Variants in TCF20 observed in about 807,000 individuals in gnomAD.
TCF20 encodes transcription factor 20.
A neutral mutation model predicts 148.6 loss-of-function variants in TCF20; 3 were observed. That is an observed-to-expected ratio of 0.02 (90% CI 0.01 to 0.05). The LOEUF (loss-of-function observed/expected upper bound fraction) is 0.05. TCF20 is among the 10% of genes least tolerant of loss of function. The pLI is 1.00. For synonymous variants in TCF20, 1,049 were observed against 909.5 expected, an observed-to-expected ratio of 1.15 and a Z score of -2.76; for missense variants, 2,350 against 2,429.3, an observed-to-expected ratio of 0.97 and a Z score of 0.69.
intron 1 of TCF20, among the ~76,000 whole-genome samples, chr22:42,328,924 C>T (rs1569210924): frequency 6.6e-6 from 1 of 152,246 alleles, no homozygotes; most frequent in Admixed American, 6.5e-5. Context: ...TCGTGCCTCC[C>T]TGCCCACTGT....
intron 1 of TCF20, among the ~76,000 whole-genome samples, chr22:42,308,384 C>T (rs1368790681): frequency 6.6e-6 from 1 of 152,170 alleles, no homozygotes. Flanking sequence ...GTGACTCAGA[C>T]AGAGGGCTAC....
chr22:42,340,742 A>T (rs886813410), intron 1 of TCF20, among the ~76,000 whole-genome samples: 1 of 152,140 alleles, frequency 6.6e-6, no homozygotes, highest in Non-Finnish European at 1.5e-5. Context: ...CAGGACGCAC[A>T]GCAAGGTCTC....
At chr22:42,314,180 C>A (rs1164425200) in intron 1 of TCF20, among the ~76,000 whole-genome samples, 1 of 152,250 alleles carries the variant, frequency 6.6e-6, no homozygotes, top group Admixed American at 6.5e-5. Flanking sequence ...GACATCTCCG[C>A]TAACCCAAGG....
intron 1 of TCF20, among the ~76,000 whole-genome samples, chr22:42,237,265 C>T: frequency 6.6e-6 from 1 of 152,222 alleles, no homozygotes; most frequent in East Asian, 1.9e-4. Flanking sequence ...TTCACAGCAT[C>T]TTCATCAGGA....
intron 1 of TCF20, among the ~76,000 whole-genome samples, chr22:42,294,286 G>A (rs1927187897): frequency 6.6e-6 from 1 of 152,162 alleles, no homozygotes; most frequent in Non-Finnish European, 1.5e-5. Flanking sequence ...CTCAGCCCGC[G>A]ACCCCGCCCT....
In TCF20 at chr22:42,161,298, C is replaced by T. The variant is rs370957386; in HGVS notation, c.*105G>A. 2.9e-5 allele frequency: 46 copies of T among 1,612,950 alleles called. No individual in the cohort carries two copies. The highest frequency in any genetic ancestry group is 3.3e-5 in the Admixed American group (2 of 59,972). ...CGGGGCAGGGCAGGGTGTGGCTGCA[C>T]GGTAGGACGATTTCCATTCCATCAC... On this transcript the variant is annotated 3_prime_UTR_variant, in exon 6 of 6. Transcript: ENST00000677622.
rs1234894728 is a variant in TCF20 at position 42,255,713 on chromosome 22, A to C, written c.-37+14626T>G. Among the ~76,000 whole-genome samples, 3 of 152,134 alleles carry C rather than the reference A, an allele frequency of 2.0e-5. No homozygotes were observed. The East Asian group carries it at 5.8e-4, about 29-fold the overall frequency. ...TGGGCATGAGAAAATCAGAACAGTA[A>C]GAGGCCAAGATGATCAATTCATCAT... is the stretch of plus-strand genomic sequence containing the variant. On this transcript the variant is annotated intron_variant, in intron 1 of 5. Transcript: ENST00000677622.
rs1286760433 is a variant in TCF20, at chr22:42,212,597, A to G, written c.2709T>C (p.Thr903=). ...CAGGAAGAATGACCGACTGACTTAA[A>G]GTTGGATTGAGACGGTCATTCCTCC... ...RIGRNDRLNP[T]LSQSVILPGG... Residue 903 remains threonine (T), a synonymous_variant, in exon 2 of 6, where the codon ACT becomes ACC. Coordinates refer to ENST00000677622, the MANE Select transcript of TCF20 (RefSeq NM_001378418.1). The G allele has an allele frequency of 7.4e-6, 12 of 1,614,020 alleles. No individual in the cohort carries two copies.
At chr22:42,288,656 C>T (rs142815750), upstream of TCF20, among the ~76,000 whole-genome samples, 2,546 of 142,624 alleles carry the variant, frequency 0.018, 82 homozygotes, top group African/African-American at 0.063. Context: ...TGCAGTGAGC[C>T]GAGATCATGC....
chr22:42,288,151 C>T (rs1927065195), upstream of TCF20, among the ~76,000 whole-genome samples: 1 of 152,030 alleles, frequency 6.6e-6, no homozygotes. Context: ...TCCCAGCATT[C>T]TGGGAGGCCA....
intron 2 of TCF20, among the ~76,000 whole-genome samples, chr22:42,184,711 C>A (rs1391219433): frequency 6.6e-6 from 1 of 152,084 alleles, no homozygotes; most frequent in Non-Finnish European, 1.5e-5. Flanking sequence ...AATTAAGACA[C>A]ATTTTAAAAA....
intron 1 of TCF20, among the ~76,000 whole-genome samples, chr22:42,310,766 G>T (rs1927520849): frequency 6.6e-6 from 1 of 152,160 alleles, no homozygotes; most frequent in Admixed American, 6.5e-5. Flanking sequence ...CAAATTCCTG[G>T]ACAGAGAGTG....
chr22:42,282,809 TGCCTCGCCGGCCTGTCTGTCTCCA>T (rs1036777933), intron 1 of TCF20, among the ~76,000 whole-genome samples: 20 of 152,120 alleles, frequency 1.3e-4, no homozygotes, highest in African/African-American at 4.8e-4. Flanking sequence ...CGGCTCCTCC[TGCCTCGCCGGCCTGTCTGTCTCCA>T]GCTCTTCACT....
At chr22:42,268,809 G>C (rs1419153493) in intron 1 of TCF20, among the ~76,000 whole-genome samples, 1 of 152,208 alleles carries the variant, frequency 6.6e-6, no homozygotes, top group African/African-American at 2.4e-5. Flanking sequence ...AGAACAGCAA[G>C]TGGGATTTCA....
At chr22:42,169,155 GACAC>G (rs1258799600) in intron 4 of TCF20, among the ~76,000 whole-genome samples, 1 of 150,994 alleles carries the variant, frequency 6.6e-6, no homozygotes, top group African/African-American at 2.4e-5. Context: ...CTCAGCCAGA[GACAC>G]AGTGCAGCCC....
At chr22:42,296,370 T>C (rs1365062403) in intron 1 of TCF20, among the ~76,000 whole-genome samples, 1 of 152,244 alleles carries the variant, frequency 6.6e-6, no homozygotes, top group Non-Finnish European at 1.5e-5. Flanking sequence ...CTGCACTCTT[T>C]GCTGCTGCTT....
At chr22:42,283,831 G>A (rs1209518047) in exon 1 of TCF20, among the ~76,000 whole-genome samples, 1 of 152,206 alleles carries the variant, frequency 6.6e-6, no homozygotes, top group Non-Finnish European at 1.5e-5. Flanking sequence ...CGTTACCTTT[G>A]CAGCCGCATC....
At chr22:42,238,393 T>C (rs1313492507) in intron 1 of TCF20, among the ~76,000 whole-genome samples, 1 of 152,234 alleles carries the variant, frequency 6.6e-6, no homozygotes, top group Non-Finnish European at 1.5e-5. Context: ...CACTAAAACT[T>C]TTCCATATCA....
intron 1 of TCF20, among the ~76,000 whole-genome samples, chr22:42,265,886 A>G (rs1429517448): frequency 6.6e-6 from 1 of 152,202 alleles, no homozygotes; most frequent in Non-Finnish European, 1.5e-5. Context: ...TCAGGACAGA[A>G]TGACGGAATT....
Sources: allele counts gnomAD v4.1 joint callset (sites outside exome capture counted in the v4.1 genomes callset), GRCh38; gene constraint gnomAD v4.1.1; transcripts MANE v1.5; gene names NCBI Gene and HGNC (gene_info 2026-07-23, HGNC 2026-07-21).